RCOR1: variants seen among roughly 807,000 people sequenced by gnomAD.
RCOR1 encodes the protein REST corepressor.
In RCOR1, 12 loss-of-function variants were observed where a neutral mutation model predicts 64.0. The ratio of observed to expected loss-of-function variants is 0.19; its 90% confidence interval spans 0.12 to 0.30. The LOEUF (loss-of-function observed/expected upper bound fraction) is 0.30, where lower values mean the gene tolerates loss of function less well. Ranked by LOEUF, RCOR1 falls within the 10% of genes least tolerant of loss-of-function variation. RCOR1 has a pLI of 1.00. For missense variants in RCOR1, 502 were observed against 621.2 expected, an observed-to-expected ratio of 0.81 and a Z score of 2.04; for synonymous variants, 279 against 227.2, an observed-to-expected ratio of 1.23 and a Z score of -2.05.
intron 2 of RCOR1, among the ~76,000 whole-genome samples, chr14:102,603,210 AGTT>A (rs1420363155): frequency 6.6e-6 from 1 of 151,754 alleles, no homozygotes; most frequent in Non-Finnish European, 1.5e-5. Context: ...TTTCTGGAGT[AGTT>A]TGGACTACAG....
At chr14:102,706,822 A>T (rs1895868423) in intron 4 of RCOR1, among the ~76,000 whole-genome samples, 1 of 150,310 alleles carries the variant, frequency 6.7e-6, no homozygotes, top group East Asian at 1.9e-4. Context: ...ACCCTGTCTC[A>T]AATAATAATA....
At position 102,599,797 on chromosome 14, in the gene RCOR1, T is replaced by C. The variant is rs575866758; in HGVS notation, c.361+6472T>C. Among the ~76,000 whole-genome samples, 6 of 122,432 alleles carry C rather than the reference T, an allele frequency of 4.9e-5. No homozygotes were observed. In the East Asian group the frequency reaches 1.4e-3, roughly 29 times the overall value. The allele number at this position is 122,432 out of a possible 152,430, so 80.3% of individuals were successfully genotyped here. A position where few individuals can be genotyped will look rare whatever the true frequency, so the allele number is the denominator to read the frequency against. On this transcript the variant is annotated intron_variant, in intron 2 of 11. Transcript: ENST00000262241. ...AAATATGGTGAATGCTTTGTGGTTT[T>C]GTTTTGTTTTGTTTTTTTTTTTTGA...
At chr14:102,685,422 C>G (rs952791052) in intron 3 of RCOR1, among the ~76,000 whole-genome samples, 1 of 150,252 alleles carries the variant, frequency 6.7e-6, no homozygotes, top group African/African-American at 2.5e-5. Flanking sequence ...TTTTTAAACT[C>G]TGTTTTTTAA....
chr14:102,635,333 A>G (rs190322614), intron 2 of RCOR1, among the ~76,000 whole-genome samples: 15 of 152,198 alleles, frequency 9.9e-5, no homozygotes, highest in Admixed American at 2.0e-4. Flanking sequence ...GTGAAAACCC[A>G]TCTCTACTAA....
intron 2 of RCOR1, among the ~76,000 whole-genome samples, chr14:102,596,104 ATT>A (rs776775021): frequency 1.4e-5 from 2 of 142,326 alleles, no homozygotes. Context: ...ATGATACAAC[ATT>A]TTTTTTTTTT....
chr14:102,657,439 C>G (rs1003689350), intron 2 of RCOR1: 4 of 984,942 alleles, frequency 4.1e-6, no homozygotes, highest in Non-Finnish European at 4.8e-6. Flanking sequence ...TAAGTTAAGA[C>G]TAATATAACA....
chr14:102,685,690 G>A (rs1019266147), intron 3 of RCOR1, among the ~76,000 whole-genome samples: 3 of 152,046 alleles, frequency 2.0e-5, no homozygotes, highest in South Asian at 4.1e-4. Context: ...GGCTGAGTGC[G>A]GTGTCTCACC....
chr14:102,652,288 T>C (rs1894609705), intron 2 of RCOR1, among the ~76,000 whole-genome samples: 1 of 152,212 alleles, frequency 6.6e-6, no homozygotes, highest in African/African-American at 2.4e-5. Context: ...TAGGCAGAGC[T>C]GGGATTCCAT....
rs571152681 is a variant in RCOR1 at position 102,722,370 on chromosome 14, T to A, written c.1373T>A (p.Val458Glu). 6.2e-7 allele frequency: 1 copy of A among 1,614,072 alleles called. No homozygotes were observed. The highest frequency in any genetic ancestry group is 1.3e-5 in the African/African-American group (1 of 75,028). Residue 458 changes from valine (V) to glutamate (E), a missense_variant, in exon 11 of 12, where the codon GTG (valine) becomes GAG (glutamate). By Grantham distance (121) the Val-to-Glu change is moderately radical. Around this residue, in one of 2 missense-constraint regions of RCOR1, gnomAD observed 260 missense variants for 416.4 expected, o/e 0.62. Coordinates refer to ENST00000262241, the MANE Select transcript of RCOR1 (RefSeq NM_015156.4). ...ETNGPSNQKP[V>E]KSPDNSIKMP... Reference sequence around the variant, plus strand: ...AATGGGCCCAGTAACCAGAAGCCTGTGAAGTCCCCAGATAATTCCATTAAG... The same window carrying A: ...AATGGGCCCAGTAACCAGAAGCCTGAGAAGTCCCCAGATAATTCCATTAAG...
chr14:102,642,327 A>G (rs535173547), intron 2 of RCOR1, among the ~76,000 whole-genome samples: 4 of 152,332 alleles, frequency 2.6e-5, no homozygotes, highest in African/African-American at 9.6e-5. Flanking sequence ...AATTGTAGAA[A>G]ATAAAATTTT....
chr14:102,634,869 G>T (rs1894203569), intron 2 of RCOR1, among the ~76,000 whole-genome samples: 1 of 143,556 alleles, frequency 7.0e-6, no homozygotes, highest in Non-Finnish European at 1.5e-5. Flanking sequence ...GCTAATTTTT[G>T]TATTTTTTTT....
At chr14:102,715,006 C>G (rs915105101) in intron 8 of RCOR1, among the ~76,000 whole-genome samples, 1 of 152,010 alleles carries the variant, frequency 6.6e-6, no homozygotes, top group African/African-American at 2.4e-5. Flanking sequence ...TGGAATGTTG[C>G]ATTCCCTCAG....
intron 6 of RCOR1, among the ~76,000 whole-genome samples, chr14:102,709,322 TG>T (rs1479386731): frequency 6.6e-6 from 1 of 152,252 alleles, no homozygotes; most frequent in Non-Finnish European, 1.5e-5. Flanking sequence ...TGAAGATGTT[TG>T]AAGTCCAGAA....
At chr14:102,717,097 A>G (rs186460020) in intron 8 of RCOR1, among the ~76,000 whole-genome samples, 50 of 152,222 alleles carry the variant, frequency 3.3e-4, no homozygotes, top group Non-Finnish European at 5.1e-4. Context: ...TGTTTTTTAA[A>G]TTACTTTTTA....
chr14:102,624,040 C>A (rs1283341978), intron 2 of RCOR1, among the ~76,000 whole-genome samples: 1 of 151,528 alleles, frequency 6.6e-6, no homozygotes, highest in Non-Finnish European at 1.5e-5. Context: ...AAAAAAAATA[C>A]AAAACATTAG....
At chr14:102,656,777 C>CTTTTT (rs200671967) in intron 2 of RCOR1, among the ~76,000 whole-genome samples, 1 of 146,502 alleles carries the variant, frequency 6.8e-6, no homozygotes. Flanking sequence ...GGTTTCTTTT[C>CTTTTT]TTTTCTTTTT....
rs567843228 is a variant in RCOR1, at chr14:102,610,263, C to T, written c.361+16938C>T. Among the ~76,000 whole-genome samples the T allele has an allele frequency of 1.2e-4, 19 of 152,082 alleles. No homozygotes were observed. In the South Asian group the frequency reaches 3.7e-3, roughly 30 times the overall value. The stretch of plus-strand genomic sequence containing the variant: ...TAAAAATTATTTTGAAAAGTTTAAT[C>T]TTTAAAATTTTAGTTTAGATTTTCC... On this transcript the variant is annotated intron_variant, in intron 2 of 11. Transcript: ENST00000262241.
chr14:102,603,977 G>A (rs185305084), intron 2 of RCOR1, among the ~76,000 whole-genome samples: 10 of 152,192 alleles, frequency 6.6e-5, no homozygotes, highest in Admixed American at 5.2e-4. Context: ...TTAATATTAT[G>A]TGTGTTGCGG....
chr14:102,620,576 G>A (rs1356785711), intron 2 of RCOR1, among the ~76,000 whole-genome samples: 1 of 152,042 alleles, frequency 6.6e-6, no homozygotes, highest in African/African-American at 2.4e-5. Flanking sequence ...AAAAAAATTA[G>A]TCGGGCACAA....
Sources: gnomAD v4.1 joint callset for allele counts (sites outside exome capture counted in the v4.1 genomes callset) on GRCh38, gnomAD v4.1.1 for gene constraint, gnomAD v4.1.1 regional missense constraint, MANE v1.5 for transcripts, NCBI Gene and HGNC (gene_info 2026-07-23, HGNC 2026-07-21) for gene names.